MRTFA: variants seen among roughly 807,000 people sequenced by gnomAD.
The protein encoded by MRTFA is myocardin-related transcription factor A.
Under a neutral mutation model 83.5 loss-of-function variants are expected in MRTFA, and 20 were observed. That is an observed-to-expected ratio of 0.24 (90% CI 0.17 to 0.35). MRTFA has a LOEUF of 0.35. Ranked by LOEUF, MRTFA falls within the 10% of genes least tolerant of loss-of-function variation. The pLI, the probability that MRTFA is intolerant of heterozygous loss-of-function variation, is 1.00. For synonymous variants in MRTFA, 659 were observed against 541.2 expected, an observed-to-expected ratio of 1.22 and a Z score of -3.02; for missense variants, 1,200 against 1,224.7, an observed-to-expected ratio of 0.98 and a Z score of 0.30.
chr22:40,462,515 C>G (rs2053732692), intron 4 of MRTFA, among the ~76,000 whole-genome samples: 1 of 152,190 alleles, frequency 6.6e-6, no homozygotes. Context: ...AGCCTATGTT[C>G]TCTGCTGATG....
chr22:40,482,662 AT>A (rs1333889274), intron 3 of MRTFA, among the ~76,000 whole-genome samples: 1 of 152,166 alleles, frequency 6.6e-6, no homozygotes, highest in African/African-American at 2.4e-5. Flanking sequence ...TCCTTATTGC[AT>A]TAGTTCTGCC....
At chr22:40,555,771 G>C (rs185590717) in intron 2 of MRTFA, among the ~76,000 whole-genome samples, 7 of 151,562 alleles carry the variant, frequency 4.6e-5, no homozygotes, top group Admixed American at 4.6e-4. Context: ...CGAGTAGCTG[G>C]GACTACAGGC....
chr22:40,444,947 G>A (rs967299250), intron 4 of MRTFA, among the ~76,000 whole-genome samples: 18 of 152,156 alleles, frequency 1.2e-4, no homozygotes, highest in African/African-American at 4.3e-4. Context: ...ATCACCTGTA[G>A]TCCCAGCTAC....
At chr22:40,565,445 G>A (rs1186711051) in intron 2 of MRTFA, among the ~76,000 whole-genome samples, 2 of 152,180 alleles carry the variant, frequency 1.3e-5, no homozygotes, top group Admixed American at 6.5e-5. Flanking sequence ...TACTCCGGGG[G>A]CTGAGGTGAG....
At chr22:40,423,809 C>A in intron 8 of MRTFA, 124 bp from the exon 9 acceptor site, 1 of 920,414 alleles carries the variant, frequency 1.1e-6, no homozygotes. Context: ...GGGCAGAGAC[C>A]GGAGGAGGAG....
chr22:40,575,709 C>A (rs1191340927), intron 2 of MRTFA, among the ~76,000 whole-genome samples: 2 of 152,158 alleles, frequency 1.3e-5, no homozygotes, highest in Non-Finnish European at 2.9e-5. Flanking sequence ...TTTTACAAGC[C>A]AACACCACCA....
At chr22:40,485,525 G>C (rs1602319538) in intron 3 of MRTFA, among the ~76,000 whole-genome samples, 1 of 152,276 alleles carries the variant, frequency 6.6e-6, no homozygotes, top group African/African-American at 2.4e-5. Context: ...AAAGGAAAGG[G>C]GGGCAGGGCA....
intron 14 of MRTFA, among the ~76,000 whole-genome samples, chr22:40,414,351 G>T (rs1056665244): frequency 6.6e-6 from 1 of 152,088 alleles, no homozygotes; most frequent in African/African-American, 2.4e-5. Context: ...GAAAAAAAAA[G>T]AAGAAATTAC....
chr22:40,599,670 G>A (rs1016359876), intron 1 of MRTFA, among the ~76,000 whole-genome samples: 7 of 151,940 alleles, frequency 4.6e-5, no homozygotes, highest in East Asian at 1.9e-4. Context: ...AGGCAGAAGC[G>A]AGCGGACTGC....
At chr22:40,532,353 A>C (rs2055096340) in intron 3 of MRTFA, among the ~76,000 whole-genome samples, 1 of 152,198 alleles carries the variant, frequency 6.6e-6, no homozygotes, top group Non-Finnish European at 1.5e-5. Flanking sequence ...TTGCCCACAC[A>C]TAGCAGAGAA....
chr22:40,576,411 G>A (rs1218689213), intron 2 of MRTFA, among the ~76,000 whole-genome samples: 1 of 152,090 alleles, frequency 6.6e-6, no homozygotes, highest in East Asian at 1.9e-4. Context: ...GTAACGTTTA[G>A]GTGAATGCTG....
rs113759032 is a variant in MRTFA, at chr22:40,434,380, T to TAA, written c.363+1117_363+1118dup. Among the ~76,000 whole-genome samples the TAA allele has an allele frequency of 1.8e-3, 235 of 133,042 alleles. 1 individual carries two copies. The highest frequency in any genetic ancestry group is 6.3e-3 in the African/African-American group (231 of 36,442). The allele number at this position is 133,042 out of a possible 152,430, so 87.3% of individuals were successfully genotyped here. A position where few individuals can be genotyped will look rare whatever the true frequency, so the allele number is the denominator to read the frequency against. On this transcript the variant is annotated intron_variant, in intron 5 of 14. Transcript: ENST00000355630. ...GGGGAGAGGGGAATGAAAGAAAGTT[T>TAA]AAAAAAAAAAAAAAAAAGTCTTGGA... is the stretch of plus-strand genomic sequence containing the variant.
intron 1 of MRTFA, among the ~76,000 whole-genome samples, chr22:40,625,105 T>G (rs2056566112): frequency 6.6e-6 from 1 of 152,156 alleles, no homozygotes; most frequent in African/African-American, 2.4e-5. Flanking sequence ...CTGTTCCCAT[T>G]CCAGGACTCC....
intron 14 of MRTFA, among the ~76,000 whole-genome samples, chr22:40,415,772 C>A (rs1476858125): frequency 6.6e-6 from 1 of 152,118 alleles, no homozygotes; most frequent in African/African-American, 2.4e-5. Flanking sequence ...CACCCCCACC[C>A]TGCTCCCAGG....
intron 3 of MRTFA, among the ~76,000 whole-genome samples, chr22:40,550,008 C>T (rs1254196146): frequency 6.9e-6 from 1 of 145,670 alleles, no homozygotes; most frequent in African/African-American, 2.5e-5. Context: ...AAGGTCGCAT[C>T]ACTGCACTCC....
intron 3 of MRTFA, among the ~76,000 whole-genome samples, chr22:40,464,832 A>T (rs1602288475): frequency 6.6e-6 from 1 of 152,018 alleles, no homozygotes; most frequent in East Asian, 1.9e-4. Flanking sequence ...TTCTTTAATG[A>T]TATCACTATC....
At chr22:40,519,486 GC>G in intron 3 of MRTFA, 1 of 1,344,196 alleles carries the variant, frequency 7.4e-7, no homozygotes. Context: ...CTCTTCTCAT[GC>G]TTGCTTACTT....
intron 2 of MRTFA, chr22:40,588,027 ATTTTTTT>A: frequency 7.0e-6 from 1 of 143,534 alleles, no homozygotes; most frequent in South Asian, 1.9e-4. Flanking sequence ...ACACTCCAAC[ATTTTTTT>A]TTTTTTTTTT....
At chr22:40,535,465 A>G (rs946094391) in intron 3 of MRTFA, among the ~76,000 whole-genome samples, 1 of 142,158 alleles carries the variant, frequency 7.0e-6, no homozygotes, top group Non-Finnish European at 1.5e-5. Context: ...CGATCCTCCT[A>G]CCTCAGCCTC....
Sources: allele counts gnomAD v4.1 joint callset (sites outside exome capture counted in the v4.1 genomes callset), GRCh38; gene constraint gnomAD v4.1.1; transcripts MANE v1.5; gene names NCBI Gene and HGNC (gene_info 2026-07-23, HGNC 2026-07-21).